The following TERB1 variants were observed in gnomAD, a reference collection of about 807,000 sequenced individuals.
The protein encoded by TERB1 is telomere repeat binding bouquet formation protein 1, also known as telomere repeats-binding bouquet formation protein 1.
A neutral mutation model predicts 92.3 loss-of-function variants in TERB1; 63 were observed. The observed-to-expected ratio is 0.68, with a 90% CI of 0.56 to 0.84. The LOEUF (loss-of-function observed/expected upper bound fraction) is 0.84. TERB1 is among the 40% of genes least tolerant of loss of function. The pLI, the probability that TERB1 is intolerant of heterozygous loss-of-function variation, is 0.00. For synonymous variants in TERB1, 252 were observed against 283.9 expected (o/e 0.89, Z 1.13); for missense variants, 709 against 843.7 (o/e 0.84, Z 1.98).
intron 12 of TERB1, among the ~76,000 whole-genome samples, chr16:66,773,968 CTCCCTGGT>C (rs1315438982): frequency 6.6e-6 from 1 of 152,076 alleles, no homozygotes; most frequent in African/African-American, 2.4e-5. Context: ...CAACCTCTGC[CTCCCTGGT>C]TCAAGTAATT....
In TERB1 at chr16:66,786,623, A is replaced by G. The variant is rs543193694; in HGVS notation, c.401-338T>C. On this transcript the variant is annotated intron_variant, in intron 6 of 18. Transcript: ENST00000433154. ...GTTTTTCCAAAATAAAACAAAATCTAGAAACATTTTTTTTAAGTGCACGCC... is the reference window on the plus strand; with the variant it reads ...GTTTTTCCAAAATAAAACAAAATCTGGAAACATTTTTTTTAAGTGCACGCC... 7.2e-5 allele frequency among the ~76,000 whole-genome samples: 11 copies of G among 152,360 alleles called. No individual in the cohort carries two copies. In the South Asian group the frequency reaches 2.3e-3, roughly 32 times the overall value.
chr16:66,792,364 A>G (rs2018849936), intron 3 of TERB1, among the ~76,000 whole-genome samples: 2 of 152,214 alleles, frequency 1.3e-5, no homozygotes, highest in South Asian at 4.1e-4. Flanking sequence ...AAAACCAGGT[A>G]TAAGACAGAG....
rs1192030771 is a variant in TERB1, at chr16:66,767,487, T to C, written c.1708A>G (p.Ile570Val). 2.0e-6 allele frequency: 3 copies of C among 1,505,968 alleles called. No homozygotes were observed. The highest frequency in any genetic ancestry group is 2.7e-6 in the Non-Finnish European group (3 of 1,125,148). The allele number at this position is 1,505,968 out of a possible 1,614,324, so 93.3% of individuals were successfully genotyped here. A position where few individuals can be genotyped will look rare whatever the true frequency, so the allele number is the denominator to read the frequency against. The change falls in exon 16 of 19, where the codon ATA becomes GTA. Residue 570 changes from isoleucine (I) to valine (V), a missense_variant. Transcript: ENST00000433154. Reference protein sequence around the residue: ...VTDPFTLCSDIINKEVVSFLA... With the variant: ...VTDPFTLCSDVINKEVVSFLA... Reference sequence around the variant, plus strand: ...AAACTGACTACTTCTTTATTTATTATATCTGAACATAATGTAAATGGATCT... The same window carrying C: ...AAACTGACTACTTCTTTATTTATTACATCTGAACATAATGTAAATGGATCT...
chr16:66,799,813 GC>G (rs1959227660), intron 2 of TERB1, among the ~76,000 whole-genome samples: 2 of 152,118 alleles, frequency 1.3e-5, no homozygotes, highest in South Asian at 4.2e-4. Flanking sequence ...AAAAGCATCT[GC>G]CATATAAAGC....
At chr16:66,757,548 T>C (rs1158009282) in intron 18 of TERB1, among the ~76,000 whole-genome samples, 1 of 152,222 alleles carries the variant, frequency 6.6e-6, no homozygotes, top group Admixed American at 6.5e-5. Flanking sequence ...AGTGGGCTCA[T>C]CTGTAGTGGT....
chr16:66,769,804 C>T lies in TERB1; in HGVS notation c.1619+159G>A, dbSNP rs1045065958. ...GATTAACTGGCCCATACCTCCCTGT[C>T]CAAACTCCTTTCCCAACACTTCCTA... On this transcript the variant is annotated intron_variant, in intron 14 of 18. Transcript: ENST00000433154. 4 of 638,004 alleles carry T rather than the reference C, an allele frequency of 6.3e-6. 1 individual carries two copies. The highest frequency in any genetic ancestry group is 4.0e-5 in the South Asian group (2 of 49,664). The allele number at this position is 638,004 out of a possible 1,614,324, so 39.5% of individuals were successfully genotyped here. A position where few individuals can be genotyped will look rare whatever the true frequency, so the allele number is the denominator to read the frequency against.
intron 16 of TERB1, among the ~76,000 whole-genome samples, chr16:66,766,937 G>T (rs1403015457): frequency 6.6e-6 from 1 of 152,236 alleles, no homozygotes; most frequent in African/African-American, 2.4e-5. Context: ...GCCTCACCTG[G>T]CCCAGATAGA....
rs777324184 is a variant in TERB1, at chr16:66,772,676, A to G, written c.1185T>C (p.Ser395=). 2 of 1,549,976 alleles carry G rather than the reference A, an allele frequency of 1.3e-6. No individual in the cohort carries two copies. The highest frequency in any genetic ancestry group is 3.9e-5 in the Admixed American group (2 of 50,980). The part of the protein sequence containing the change: ...ENETQQLKDI[S]VKENNLEEHW... ...GCTCTTCAAGATTATTCTCCTTCACACTTATGTCCTTTAATTGCTGTGTTT... is the reference window on the plus strand; with the variant it reads ...GCTCTTCAAGATTATTCTCCTTCACGCTTATGTCCTTTAATTGCTGTGTTT... The change falls in exon 13 of 19, where the codon AGT becomes AGC. Residue 395 remains serine, a synonymous_variant. Coordinates refer to ENST00000433154, the MANE Select transcript of TERB1 (RefSeq NM_001136505.2).
intron 3 of TERB1, among the ~76,000 whole-genome samples, chr16:66,793,391 T>C (rs1243016387): frequency 6.6e-6 from 1 of 151,850 alleles, no homozygotes; most frequent in Admixed American, 6.6e-5. Flanking sequence ...TAATTTTCTG[T>C]ATTTTTACGA....
At chr16:66,767,338 CA>C (rs34069156) in intron 16 of TERB1, 76 bp downstream of exon 16, 75,042 of 654,290 alleles carry the variant, frequency 0.11, no homozygotes, top group South Asian at 0.17. Context: ...GACTCTGTAT[CA>C]AAAAAAAAAA....
chr16:66,792,186 T>G (rs2018847420), intron 3 of TERB1, among the ~76,000 whole-genome samples: 1 of 152,208 alleles, frequency 6.6e-6, no homozygotes, highest in Non-Finnish European at 1.5e-5. Flanking sequence ...TCTCAATAGA[T>G]GTAAAAACAG....
chr16:66,794,912 A>ACACACAC (rs1252457237), intron 3 of TERB1, among the ~76,000 whole-genome samples: 32 of 71,944 alleles, frequency 4.4e-4, no homozygotes, highest in African/African-American at 1.0e-3. Context: ...TCCGTCTCAA[A>ACACACAC]AAAAAAAAAA....
chr16:66,775,282 T>C (rs550645934), intron 11 of TERB1, 39 bp from the exon 12 acceptor site: 3 of 1,509,330 alleles, frequency 2.0e-6, no homozygotes, highest in East Asian at 4.9e-5. Context: ...TTTTTTATCA[T>C]AAACTATCTA....
Position 66,772,622 on chromosome 16 carries a change from G to A in TERB1, c.1239C>T (p.His413=). The A allele has an allele frequency of 1.9e-6, 3 of 1,551,568 alleles. No individual in the cohort carries two copies. The highest frequency in any genetic ancestry group is 1.4e-5 in the African/African-American group (1 of 73,142). ...EHWRKAKEIL[H]RIEQLEREGN... Reference sequence around the variant, plus strand: ...CTTCTCTTTCAAGCTGTTCTATTCTGTGTAGAATTTCCTTTGCTTTCCTCC... The same window carrying A: ...CTTCTCTTTCAAGCTGTTCTATTCTATGTAGAATTTCCTTTGCTTTCCTCC... Residue 413 remains histidine (H), a synonymous_variant, in exon 13 of 19, where the codon CAC becomes CAT. Transcript: ENST00000433154.
intron 18 of TERB1, among the ~76,000 whole-genome samples, chr16:66,756,990 CT>C (rs1434769963): frequency 1.3e-5 from 2 of 152,144 alleles, no homozygotes; most frequent in Non-Finnish European, 2.9e-5. Flanking sequence ...TCTGTAAATG[CT>C]TAGGACAGTG....
At chr16:66,787,539 G>T (rs2145210869) in intron 6 of TERB1, among the ~76,000 whole-genome samples, 1 of 152,134 alleles carries the variant, frequency 6.6e-6, no homozygotes, top group East Asian at 1.9e-4. Context: ...TATTCTCTTT[G>T]CCACTTTTCT....
chr16:66,767,110 T>C (rs1354037954), intron 16 of TERB1, among the ~76,000 whole-genome samples: 1 of 151,664 alleles, frequency 6.6e-6, no homozygotes, highest in Non-Finnish European at 1.5e-5. Flanking sequence ...AGGCAGATCA[T>C]TTGAGGTCAG....
intron 9 of TERB1, among the ~76,000 whole-genome samples, chr16:66,779,362 C>A (rs1388724645): frequency 3.3e-5 from 5 of 152,092 alleles, no homozygotes; most frequent in African/African-American, 1.2e-4. Flanking sequence ...CTTTGGGAGG[C>A]TGAGATAGGC....
chr16:66,790,866 A>T (rs1454813330), intron 4 of TERB1, 43 bp downstream of exon 4: 1 of 1,437,010 alleles, frequency 7.0e-7, no homozygotes, highest in Non-Finnish European at 9.5e-7. Flanking sequence ...TCAGAGTACT[A>T]AAGAACTAGA....
Sources: allele counts gnomAD v4.1 joint callset (sites outside exome capture counted in the v4.1 genomes callset), GRCh38; gene constraint gnomAD v4.1.1; transcripts MANE v1.5; gene names NCBI Gene and HGNC (gene_info 2026-07-23, HGNC 2026-07-21).